The following WWC2 variants were observed in gnomAD, a reference collection of about 807,000 sequenced individuals.
WWC2 encodes the protein WW and C2 domain containing 2, also known as protein WWC2.
In WWC2, 101 loss-of-function variants were observed where a neutral mutation model predicts 138.5. The ratio of observed to expected loss-of-function variants is 0.73; its 90% CI spans 0.62 to 0.86. The LOEUF (loss-of-function observed/expected upper bound fraction) is 0.86. Ranked by LOEUF, WWC2 falls within the 40% of genes least tolerant of loss-of-function variation. The pLI is 0.00. For missense variants in WWC2, 1,420 were observed against 1,419.4 expected (o/e 1.00, Z -0.01); for synonymous variants, 558 against 538.4 (o/e 1.04, Z -0.50).
chr4:183,194,908 C>T (rs1735093127), intron 2 of WWC2, among the ~76,000 whole-genome samples: 1 of 152,196 alleles, frequency 6.6e-6, no homozygotes, highest in Non-Finnish European at 1.5e-5. Flanking sequence ...AAGTTGTTAC[C>T]TCAGCCTCTT....
At chr4:183,182,355 T>G (rs2111186764) in intron 1 of WWC2, among the ~76,000 whole-genome samples, 1 of 152,356 alleles carries the variant, frequency 6.6e-6, no homozygotes, top group Admixed American at 6.5e-5. Flanking sequence ...ACTGGCTGTG[T>G]GTTGAACTAC....
At chr4:183,253,557 G>A (rs1737040906) in intron 8 of WWC2, among the ~76,000 whole-genome samples, 200 bp from the exon 9 acceptor site, 1 of 152,136 alleles carries the variant, frequency 6.6e-6, no homozygotes, top group Admixed American at 6.5e-5. Flanking sequence ...TGACAGCTGA[G>A]TGCAGAGACA....
chr4:183,255,118 A>AG (rs1302527938), intron 9 of WWC2, among the ~76,000 whole-genome samples: 5 of 152,206 alleles, frequency 3.3e-5, no homozygotes, highest in African/African-American at 1.2e-4. Flanking sequence ...TCATAGCTGT[A>AG]GGGAACATGA....
At chr4:183,147,534 A>C (rs1294570762) in intron 1 of WWC2, among the ~76,000 whole-genome samples, 4 of 152,234 alleles carry the variant, frequency 2.6e-5, no homozygotes, top group African/African-American at 7.2e-5. Flanking sequence ...CAGGATCTAA[A>C]ACGTGACAGT....
intron 4 of WWC2, among the ~76,000 whole-genome samples, chr4:183,237,823 T>C (rs1736475592): frequency 6.6e-6 from 1 of 152,176 alleles, no homozygotes; most frequent in Non-Finnish European, 1.5e-5. Context: ...TCATAGTGCC[T>C]GGTCTCCCTC....
intron 1 of WWC2, among the ~76,000 whole-genome samples, chr4:183,108,548 T>A (rs560107489): frequency 2.6e-5 from 4 of 151,930 alleles, no homozygotes; most frequent in Non-Finnish European, 5.9e-5. Context: ...GGAGGAGTCC[T>A]GGGCTGGAAA....
intron 1 of WWC2, among the ~76,000 whole-genome samples, chr4:183,165,821 A>G: frequency 6.6e-6 from 1 of 152,224 alleles, no homozygotes; most frequent in Non-Finnish European, 1.5e-5. Context: ...ACACTTGGAC[A>G]AAAAATAAGT....
intron 21 of WWC2, among the ~76,000 whole-genome samples, chr4:183,291,729 C>T (rs572798690): frequency 2.0e-4 from 31 of 152,078 alleles, no homozygotes; most frequent in African/African-American, 3.9e-4. Flanking sequence ...AATATCATAA[C>T]GCAAAGTTTC....
Position 183,261,270 on chromosome 4 carries a change from G to A in WWC2, c.1647G>A (p.Arg549=). ...APKSVASLSS[R]SSLSSLSPPG... ...AGTCTGTGGCCTCCCTGTCCTCGAG[G>A]TCCTCCCTTTCCTCCTTGTCTCCTC... The change falls in exon 11 of 23, where the codon AGG becomes AGA. Residue 549 remains arginine (R), a synonymous_variant. Transcript: ENST00000403733. 1 of 1,613,370 alleles carries A rather than the reference G, an allele frequency of 6.2e-7. No homozygotes were observed. Among genetic ancestry groups the A allele is most frequent in the Non-Finnish European group, 8.5e-7 (1 of 1,179,692 alleles).
intron 6 of WWC2, among the ~76,000 whole-genome samples, chr4:183,246,713 A>G (rs1350986349): frequency 6.6e-6 from 1 of 152,228 alleles, no homozygotes; most frequent in African/African-American, 2.4e-5. Context: ...ACAGCTGGTA[A>G]GTAGCAAGAC....
chr4:183,289,647 A>C lies in WWC2; in HGVS notation c.3384+12A>C. On this transcript the variant is annotated intron_variant, in intron 21 of 22. Coordinates refer to ENST00000403733, the MANE Select transcript of WWC2 (RefSeq NM_024949.6). ...AAGCTGAGAAGCAGGTACGCAGCTC[A>C]GGGTCTGTCATCTCGGAGGGGCTTA... The C allele has an allele frequency of 1.2e-6, 2 of 1,611,582 alleles. No individual in the cohort carries two copies. Among genetic ancestry groups the C allele is most frequent in the Non-Finnish European group, 1.7e-6 (2 of 1,178,880 alleles).
chr4:183,198,789 TAAAAAAAAAAAAA>T (rs56182831), intron 2 of WWC2, among the ~76,000 whole-genome samples: 23 of 72,330 alleles, frequency 3.2e-4, no homozygotes, highest in South Asian at 1.7e-3. Context: ...CTCGTCTCTT[TAAAAAAAAAAAAA>T]AAAAAAAAAA....
intron 4 of WWC2, among the ~76,000 whole-genome samples, chr4:183,234,534 T>G (rs1370766709): frequency 6.6e-6 from 1 of 152,074 alleles, no homozygotes; most frequent in Non-Finnish European, 1.5e-5. Context: ...TAATTTGTCT[T>G]TCTTTTTACA....
chr4:183,194,775 C>G (rs1448794505), intron 2 of WWC2, among the ~76,000 whole-genome samples: 1 of 152,170 alleles, frequency 6.6e-6, no homozygotes, highest in African/African-American at 2.4e-5. Context: ...ACTCTGAAGT[C>G]CAGTGAGCAC....
intron 9 of WWC2, among the ~76,000 whole-genome samples, chr4:183,256,893 C>T (rs555598158): frequency 0.4 from 39,233 of 97,616 alleles, 9,218 homozygotes; most frequent in South Asian, 0.67. Context: ...AGCCCCCCCC[C>T]CCCCCCCCCC....
At position 183,253,838 on chromosome 4, in the gene WWC2, G is replaced by C; in HGVS notation, c.1035G>C (p.Leu345=). The part of the protein sequence containing the change: ...PGALDIEKEK[L]MLINEKEELL... ...CACTGGATATTGAGAAGGAAAAACT[G>C]ATGCTGATTAATGAAAAAGAAGAAC... Residue 345 remains leucine, a synonymous_variant, in exon 9 of 23, where the codon CTG becomes CTC. Transcript: ENST00000403733. 6.2e-7 allele frequency: 1 copy of C among 1,613,688 alleles called. No individual in the cohort carries two copies. Among genetic ancestry groups the C allele is most frequent in the Non-Finnish European group, 8.5e-7 (1 of 1,179,782 alleles).
At chr4:183,101,343 C>G (rs1191696177) in intron 1 of WWC2, among the ~76,000 whole-genome samples, 2 of 152,142 alleles carry the variant, frequency 1.3e-5, no homozygotes, top group Non-Finnish European at 2.9e-5. Flanking sequence ...TTTCACAAGT[C>G]AAGCATGTCC....
At chr4:183,245,289 C>A in intron 5 of WWC2, 127 bp from the exon 6 acceptor site, 1 of 493,074 alleles carries the variant, frequency 2.0e-6, no homozygotes, top group Non-Finnish European at 3.0e-6. Flanking sequence ...AAGATGATTG[C>A]TGGTATATGA....
At chr4:183,303,060 CA>C (rs35439586) in intron 21 of WWC2, among the ~76,000 whole-genome samples, 23,722 of 82,306 alleles carry the variant, frequency 0.29, 1,205 homozygotes, top group South Asian at 0.32. Context: ...GACTCCATCT[CA>C]AAAAAAAAAA....
Sources: allele counts gnomAD v4.1 joint callset (sites outside exome capture counted in the v4.1 genomes callset), GRCh38; gene constraint gnomAD v4.1.1; transcripts MANE v1.5; gene names NCBI Gene and HGNC (gene_info 2026-07-23, HGNC 2026-07-21).